The following CTNND2 variants were observed in gnomAD, a reference collection of about 807,000 sequenced individuals.
CTNND2 encodes the protein catenin delta-2.
A neutral mutation model predicts 144.4 loss-of-function variants in CTNND2; 22 were observed. The ratio of observed to expected loss-of-function variants is 0.15; its 90% CI spans 0.11 to 0.22. The LOEUF (loss-of-function observed/expected upper bound fraction) is 0.22, where lower values mean the gene tolerates loss of function less well. CTNND2 is among the 10% of genes least tolerant of loss of function. The pLI is 1.00. For synonymous variants in CTNND2, 751 were observed against 695.6 expected, an observed-to-expected ratio of 1.08 and a Z score of -1.25; for missense variants, 1,353 against 1,618.8, an observed-to-expected ratio of 0.84 and a Z score of 2.82.
chr5:11,193,364 G>A (rs1412774693), intron 11 of CTNND2, among the ~76,000 whole-genome samples: 6 of 152,116 alleles, frequency 3.9e-5, no homozygotes, highest in Non-Finnish European at 7.4e-5. Flanking sequence ...ATATTTGGTA[G>A]GGTTTATATT....
At chr5:11,494,064 T>C (rs1769707506) in intron 3 of CTNND2, among the ~76,000 whole-genome samples, 1 of 152,164 alleles carries the variant, frequency 6.6e-6, no homozygotes, top group Admixed American at 6.5e-5. Flanking sequence ...GGAAAATTAT[T>C]GAAATTTAAA....
At chr5:11,054,330 A>C (rs757662517) in intron 16 of CTNND2, among the ~76,000 whole-genome samples, 22 of 152,226 alleles carry the variant, frequency 1.4e-4, no homozygotes, top group Non-Finnish European at 2.6e-4. Flanking sequence ...TTAAACATGA[A>C]GACACAAAGG....
chr5:11,663,461 A>G (rs979474912), intron 2 of CTNND2, among the ~76,000 whole-genome samples: 6 of 152,310 alleles, frequency 3.9e-5, no homozygotes, highest in African/African-American at 1.4e-4. Context: ...TTCCTGGAAG[A>G]AAAAGATGTC....
intron 7 of CTNND2, among the ~76,000 whole-genome samples, chr5:11,372,286 T>G (rs1757536766): frequency 6.6e-6 from 1 of 152,226 alleles, no homozygotes; most frequent in African/African-American, 2.4e-5. Flanking sequence ...TGCCCCTTGT[T>G]CCTGTACTTT....
At chr5:11,120,134 T>C (rs1753939116) in intron 12 of CTNND2, among the ~76,000 whole-genome samples, 1 of 152,222 alleles carries the variant, frequency 6.6e-6, no homozygotes, top group Admixed American at 6.5e-5. Flanking sequence ...TTACAATGTG[T>C]AAGATATTGA....
At chr5:11,137,110 G>A (rs1314918919) in intron 12 of CTNND2, among the ~76,000 whole-genome samples, 1 of 152,148 alleles carries the variant, frequency 6.6e-6, no homozygotes, top group Non-Finnish European at 1.5e-5. Flanking sequence ...AATAGTTGTT[G>A]AATTGAAAAG....
chr5:11,387,005 T>C (rs1012367795), intron 6 of CTNND2, among the ~76,000 whole-genome samples: 2 of 152,112 alleles, frequency 1.3e-5, no homozygotes, highest in African/African-American at 4.8e-5. Flanking sequence ...ATGTATTAAA[T>C]AGATTGGGCT....
chr5:11,459,063 C>A (rs1024825439), intron 3 of CTNND2, among the ~76,000 whole-genome samples: 11 of 152,122 alleles, frequency 7.2e-5, no homozygotes, highest in Admixed American at 6.5e-4. Context: ...AGCCACCATG[C>A]CTGGCCCTTA....
chr5:11,788,606 A>G (rs1163581413), intron 1 of CTNND2, among the ~76,000 whole-genome samples: 1 of 152,188 alleles, frequency 6.6e-6, no homozygotes, highest in African/African-American at 2.4e-5. Context: ...TTGTTTTAAG[A>G]GCTTAGTGAT....
At chr5:11,782,339 CTAAA>C (rs1790584292) in intron 1 of CTNND2, among the ~76,000 whole-genome samples, 1 of 149,522 alleles carries the variant, frequency 6.7e-6, no homozygotes. Context: ...CTACTGAACA[CTAAA>C]TACAAAAAAA....
chr5:11,271,389 G>C (rs553030638), intron 9 of CTNND2, among the ~76,000 whole-genome samples: 1 of 151,928 alleles, frequency 6.6e-6, no homozygotes, highest in African/African-American at 2.4e-5. Flanking sequence ...TTGGCAATTT[G>C]GGTAACACTT....
At chr5:11,482,865 G>A (rs538204678) in intron 3 of CTNND2, among the ~76,000 whole-genome samples, 1 of 152,242 alleles carries the variant, frequency 6.6e-6, no homozygotes, top group South Asian at 2.1e-4. Flanking sequence ...AAAGCAGGGA[G>A]TGAGGGGAGA....
At chr5:11,743,380 T>C (rs11133666) in intron 1 of CTNND2, among the ~76,000 whole-genome samples, 148,979 of 152,296 alleles carry the variant, frequency 0.98, 72,944 homozygotes, top group East Asian at 1. Context: ...GGATTCAGAA[T>C]CCTAGGACTA....
In CTNND2 at chr5:11,188,881, T is replaced by A. The variant is rs61751817; in HGVS notation, c.1975+10567A>T. On this transcript the variant is annotated intron_variant, in intron 11 of 21. Coordinates refer to ENST00000304623, the MANE Select transcript of CTNND2 (RefSeq NM_001332.4). ...ACAGATCATTATCCGGGGCTTTTCCTTTCTTCAAACTTCATTCTAAGTAGT... is the reference window on the plus strand; with the variant it reads ...ACAGATCATTATCCGGGGCTTTTCCATTCTTCAAACTTCATTCTAAGTAGT... Among the ~76,000 whole-genome samples, 604 of 152,334 alleles carry A rather than the reference T, an allele frequency of 4.0e-3. 8 individuals are homozygous for A. The highest frequency in any genetic ancestry group is 0.014 in the African/African-American group (577 of 41,588).
At chr5:11,269,813 G>A (rs1161919567) in intron 9 of CTNND2, among the ~76,000 whole-genome samples, 1 of 152,114 alleles carries the variant, frequency 6.6e-6, no homozygotes, top group East Asian at 1.9e-4. Flanking sequence ...GACATCATCT[G>A]TATTTACTTC....
chr5:11,028,626 T>C (rs1743114000), intron 16 of CTNND2, among the ~76,000 whole-genome samples: 1 of 152,188 alleles, frequency 6.6e-6, no homozygotes, highest in Non-Finnish European at 1.5e-5. Context: ...CATAAAGGAT[T>C]TGTCTTTTTG....
chr5:11,082,885 A>G (rs184798015), intron 15 of CTNND2, 39 bp from the exon 16 acceptor site: 1 of 1,604,266 alleles, frequency 6.2e-7, no homozygotes, highest in East Asian at 2.2e-5. Flanking sequence ...TAGAAACAGG[A>G]AGAAACCCTG....
At chr5:11,313,380 T>C (rs1580876652) in intron 9 of CTNND2, among the ~76,000 whole-genome samples, 1 of 152,152 alleles carries the variant, frequency 6.6e-6, no homozygotes, top group South Asian at 2.1e-4. Context: ...CTTTGCACTT[T>C]CTCTGACTTC....
At chr5:11,638,208 G>A (rs1781812875) in intron 2 of CTNND2, among the ~76,000 whole-genome samples, 1 of 152,164 alleles carries the variant, frequency 6.6e-6, no homozygotes, top group Middle Eastern at 3.4e-3. Flanking sequence ...TAATGCATTT[G>A]CCACCGGACT....
Sources: allele counts gnomAD v4.1 joint callset (sites outside exome capture counted in the v4.1 genomes callset), GRCh38; gene constraint gnomAD v4.1.1; transcripts MANE v1.5; gene names NCBI Gene and HGNC (gene_info 2026-07-23, HGNC 2026-07-21).